ANAPC10: variants seen among roughly 807,000 people sequenced by gnomAD.
ANAPC10 encodes anaphase-promoting complex subunit 10.
In ANAPC10, 12 loss-of-function variants were observed where a neutral mutation model predicts 22.0. The observed-to-expected ratio is 0.55, with a 90% CI of 0.35 to 0.88. ANAPC10 has a LOEUF of 0.88. ANAPC10 is among the 40% of genes least tolerant of loss of function. The probability of loss-of-function intolerance (pLI) is 0.01; values close to 1 mark genes in which losing one functional copy is unlikely to be tolerated. For missense variants in ANAPC10, 188 were observed against 220.9 expected, an observed-to-expected ratio of 0.85 and a Z score of 0.94; for synonymous variants, 65 against 69.5, an observed-to-expected ratio of 0.94 and a Z score of 0.32.
chr4:145,034,097 TC>T (rs1738057021), intron 4 of ANAPC10, among the ~76,000 whole-genome samples: 2 of 152,288 alleles, frequency 1.3e-5, no homozygotes, highest in East Asian at 3.9e-4. Flanking sequence ...TTATGTAGGA[TC>T]TCAGCAGATA....
intron 4 of ANAPC10, among the ~76,000 whole-genome samples, chr4:145,000,678 C>T (rs1477830938): frequency 1.3e-5 from 2 of 152,162 alleles, no homozygotes; most frequent in Non-Finnish European, 2.9e-5. Flanking sequence ...TACTATTTGA[C>T]CCAGCATTCC....
chr4:145,074,407 G>GT (rs1348304329), intron 3 of ANAPC10, among the ~76,000 whole-genome samples: 1 of 151,776 alleles, frequency 6.6e-6, no homozygotes, highest in Non-Finnish European at 1.5e-5. Flanking sequence ...TCATTTCTTT[G>GT]TAAGTTTTCT....
At chr4:145,021,218 A>T (rs1423662364) in intron 4 of ANAPC10, among the ~76,000 whole-genome samples, 1 of 152,212 alleles carries the variant, frequency 6.6e-6, no homozygotes, top group Non-Finnish European at 1.5e-5. Flanking sequence ...CACATAGCCA[A>T]TGCAAGACTA....
rs1326271292 is a variant in ANAPC10, at chr4:144,995,116, C to A, written c.*257G>T. The A allele has an allele frequency of 3.6e-5, 9 of 250,502 alleles. No individual in the cohort carries two copies. Among genetic ancestry groups the A allele is most frequent in the Non-Finnish European group, 6.1e-5 (8 of 131,668 alleles). 15.5% of individuals were successfully genotyped at this position (250,502 alleles called of 1,614,324 possible). ...TTCTTTTGATACAAGGAACTCTTTT[C>A]TTTTGATACAAGGGAAAATAAAATG... On this transcript the variant is annotated 3_prime_UTR_variant, in exon 5 of 5. Transcript: ENST00000507656.
chr4:145,083,206 T>C (rs1162063300), intron 2 of ANAPC10, among the ~76,000 whole-genome samples: 2 of 152,282 alleles, frequency 1.3e-5, no homozygotes, highest in Admixed American at 6.5e-5. Flanking sequence ...GCCAGGCGCA[T>C]TCTAAACATT....
At chr4:144,999,755 C>A (rs140523535) in intron 4 of ANAPC10, among the ~76,000 whole-genome samples, 2,551 of 152,090 alleles carry the variant, frequency 0.017, 84 homozygotes, top group African/African-American at 0.057. Context: ...GACAATCCTA[C>A]GCAAAAAGAA....
At chr4:145,005,186 G>T (rs1280864897) in intron 4 of ANAPC10, among the ~76,000 whole-genome samples, 2 of 152,050 alleles carry the variant, frequency 1.3e-5, no homozygotes, top group Non-Finnish European at 2.9e-5. Context: ...GTGTAGCTGG[G>T]ATTACAGGCG....
intron 4 of ANAPC10, among the ~76,000 whole-genome samples, chr4:145,046,068 A>G (rs1488282892): frequency 1.3e-5 from 2 of 152,060 alleles, no homozygotes; most frequent in Non-Finnish European, 2.9e-5. Flanking sequence ...AGCGCACCCT[A>G]AGCATTTCTA....
chr4:145,080,628 G>A (rs1474068235), intron 3 of ANAPC10, among the ~76,000 whole-genome samples: 2 of 152,180 alleles, frequency 1.3e-5, no homozygotes, highest in African/African-American at 4.8e-5. Flanking sequence ...GATGGTATAG[G>A]CCAGGTACAG....
At chr4:145,061,685 A>G (rs1162296312) in intron 4 of ANAPC10, among the ~76,000 whole-genome samples, 1 of 152,230 alleles carries the variant, frequency 6.6e-6, no homozygotes, top group Non-Finnish European at 1.5e-5. Flanking sequence ...GCTTACCAAT[A>G]TGAGTGATCC....
chr4:145,027,908 C>T (rs1736991980), intron 4 of ANAPC10, among the ~76,000 whole-genome samples: 2 of 152,090 alleles, frequency 1.3e-5, no homozygotes, highest in Non-Finnish European at 2.9e-5. Flanking sequence ...AATAAGAGGT[C>T]TCCCAAAAGA....
intron 4 of ANAPC10, among the ~76,000 whole-genome samples, chr4:145,029,916 C>T (rs1312848991): frequency 6.6e-6 from 1 of 152,128 alleles, no homozygotes; most frequent in Non-Finnish European, 1.5e-5. Context: ...TTGCTCTTCT[C>T]TGTATGTCAG....
At chr4:145,039,873 C>T (rs1048221126) in intron 4 of ANAPC10, among the ~76,000 whole-genome samples, 1 of 152,054 alleles carries the variant, frequency 6.6e-6, no homozygotes, top group Non-Finnish European at 1.5e-5. Flanking sequence ...GAATTACAGG[C>T]GTAAGTCACT....
intron 2 of ANAPC10, among the ~76,000 whole-genome samples, chr4:145,090,174 A>G (rs909588627): frequency 6.6e-6 from 1 of 152,314 alleles, no homozygotes; most frequent in Admixed American, 6.5e-5. Context: ...ACTGATGCAC[A>G]AGTCCCTTAT....
rs146152427 is a variant in ANAPC10, at chr4:145,050,438, T to C, written c.327+14134A>G. Among the ~76,000 whole-genome samples, 669 of 152,316 alleles carry C rather than the reference T, an allele frequency of 4.4e-3. 3 individuals carry two copies. Among genetic ancestry groups the C allele is most frequent in the African/African-American group, 0.015 (615 of 41,568 alleles). The stretch of plus-strand genomic sequence containing the variant: ...AAGGACCCTAGGATTATTAGAATAG[T>C]GAGGGCTGCCTTCAACTTGAAGTCA... On this transcript the variant is annotated intron_variant, in intron 4 of 4. Coordinates refer to ENST00000507656, the MANE Select transcript of ANAPC10 (RefSeq NM_001256706.2).
At chr4:145,090,341 T>C (rs1747486116) in intron 2 of ANAPC10, among the ~76,000 whole-genome samples, 2 of 152,212 alleles carry the variant, frequency 1.3e-5, no homozygotes. Context: ...CCAACTATTT[T>C]CAACCCTCAG....
intron 4 of ANAPC10, among the ~76,000 whole-genome samples, chr4:145,018,403 G>A (rs1165206485): frequency 6.6e-6 from 1 of 152,004 alleles, no homozygotes; most frequent in Non-Finnish European, 1.5e-5. Context: ...GGAGGCTCAG[G>A]CGGGCAGATT....
intron 3 of ANAPC10, among the ~76,000 whole-genome samples, chr4:145,079,029 C>T (rs1284653661): frequency 6.6e-6 from 1 of 152,062 alleles, no homozygotes; most frequent in African/African-American, 2.4e-5. Flanking sequence ...TGTAAATTGA[C>T]AAGTGGGACC....
chr4:145,091,243 CAT>C (rs1747635278), intron 2 of ANAPC10, among the ~76,000 whole-genome samples: 1 of 152,160 alleles, frequency 6.6e-6, no homozygotes, highest in Non-Finnish European at 1.5e-5. Context: ...AAACTGGTGA[CAT>C]GTGTTGCTCT....
Sources: gnomAD v4.1 joint callset for allele counts (sites outside exome capture counted in the v4.1 genomes callset) on GRCh38, gnomAD v4.1.1 for gene constraint, MANE v1.5 for transcripts, NCBI Gene and HGNC (gene_info 2026-07-23, HGNC 2026-07-21) for gene names.